TSPEAR: variants seen among roughly 807,000 people sequenced by gnomAD.
TSPEAR encodes the protein thrombospondin type laminin G domain and EAR repeats, also known as thrombospondin-type laminin G domain and EAR repeat-containing protein.
Under a neutral mutation model 71.6 loss-of-function variants are expected in TSPEAR, and 69 were observed. That is an observed-to-expected ratio of 0.96 (90% CI 0.79 to 1.18). The LOEUF is 1.18. TSPEAR is among the 50% of genes most tolerant of loss of function. TSPEAR has a pLI of 0.00. For synonymous variants in TSPEAR, 402 were observed against 387.2 expected (o/e 1.04, Z -0.45); for missense variants, 971 against 894.9 (o/e 1.09, Z -1.09).
chr21:44,627,301 A>C (rs1340106264), intron 1 of TSPEAR: 2 of 1,612,462 alleles, frequency 1.2e-6, no homozygotes, highest in Non-Finnish European at 1.7e-6. Flanking sequence ...CCCCTGCCTG[A>C]CCCTGGTCTG....
chr21:44,677,299 T>C, intron 1 of TSPEAR: 1 of 854,812 alleles, frequency 1.2e-6, no homozygotes, highest in Admixed American at 2.0e-5. Flanking sequence ...CCTTGCACTG[T>C]GTGCCACTTA....
intron 1 of TSPEAR, among the ~76,000 whole-genome samples, chr21:44,594,822 A>ATTTTTTTTTT (rs34221889): frequency 1.6e-5 from 2 of 125,518 alleles, no homozygotes; most frequent in African/African-American, 6.3e-5. Context: ...CGGATCTGTG[A>ATTTTTTTTTT]TTTTTTTTTT....
At chr21:44,650,111 G>A (rs76323568) in intron 1 of TSPEAR, among the ~76,000 whole-genome samples, 1,562 of 152,148 alleles carry the variant, frequency 0.01, 22 homozygotes, top group Middle Eastern at 0.055. Context: ...TCTAGTCCCA[G>A]CTACTTTGGT....
intron 9 of TSPEAR, chr21:44,517,722 G>T: frequency 2.1e-6 from 1 of 470,126 alleles, no homozygotes; most frequent in Non-Finnish European, 4.4e-6. Context: ...TCCTTGTCCT[G>T]CGGGGGCTCT....
At position 44,506,316 on chromosome 21, in the gene TSPEAR, T is replaced by G. The variant is rs2145915093; in HGVS notation, c.1755-1435A>C. Reference sequence around the variant, plus strand: ...TCAGCGTCAGCCCCACATCTCAAGATGAGGAAATGGAGGTCGAAGCCATGC... The same window carrying G: ...TCAGCGTCAGCCCCACATCTCAAGAGGAGGAAATGGAGGTCGAAGCCATGC... On this transcript the variant is annotated intron_variant, in intron 10 of 11. Transcript: ENST00000323084. The surrounding 1 kb of genome is among the most constrained non-coding windows in gnomAD (Gnocchi z 4.2). Among the ~76,000 whole-genome samples, 1 of 152,278 alleles carries G rather than the reference T, an allele frequency of 6.6e-6. No homozygotes were observed. The highest frequency in any genetic ancestry group is 2.4e-5 in the African/African-American group (1 of 41,582).
intron 2 of TSPEAR, among the ~76,000 whole-genome samples, chr21:44,552,023 G>C (rs184049148): frequency 7.5e-4 from 114 of 152,352 alleles, no homozygotes; most frequent in Non-Finnish European, 1.4e-3. Flanking sequence ...GGACAGGGAG[G>C]ACCTCCCCTC....
At chr21:44,574,314 T>A in intron 1 of TSPEAR, 2 of 1,611,368 alleles carry the variant, frequency 1.2e-6, no homozygotes, top group Non-Finnish European at 1.7e-6. Flanking sequence ...GTCCAGCCCC[T>A]GCTGCCAGGC....
At chr21:44,518,845 C>A (rs2052669032) in intron 9 of TSPEAR, 1 of 376,788 alleles carries the variant, frequency 2.7e-6, no homozygotes, top group Non-Finnish European at 5.5e-6. Flanking sequence ...CATGTGTGAG[C>A]CTGGGGCCAG....
At position 44,612,867 on chromosome 21, in the gene TSPEAR, G is replaced by T; in HGVS notation, c.83-44862C>A. 1.9e-6 allele frequency: 3 copies of T among 1,611,596 alleles called. No homozygotes were observed. Among genetic ancestry groups the T allele is most frequent in the Non-Finnish European group, 1.7e-6 (2 of 1,179,702 alleles). ...TTCCTCTGCCGCCCCGCGTGCTCCC[G>T]CCTGGCCTGCTGAGGCCTCTGCTCA... On this transcript the variant is annotated intron_variant, in intron 1 of 11. Transcript: ENST00000323084. This position sits in a 1 kb window ranked among gnomAD's most constrained non-coding sequence, Gnocchi z 4.1.
At chr21:44,660,614 A>G (rs74803955) in intron 1 of TSPEAR, among the ~76,000 whole-genome samples, 1,838 of 152,374 alleles carry the variant, frequency 0.012, 40 homozygotes, top group African/African-American at 0.042. Context: ...AATTCTTAAA[A>G]AATTTCTTTG....
intron 1 of TSPEAR, among the ~76,000 whole-genome samples, chr21:44,606,835 G>A (rs587606558): frequency 2.0e-5 from 3 of 152,284 alleles, no homozygotes; most frequent in Admixed American, 2.0e-4. Context: ...ACAGAGAGCA[G>A]AAAGGTGGTT....
At chr21:44,558,808 G>T in intron 2 of TSPEAR, 1 of 1,483,722 alleles carries the variant, frequency 6.7e-7, no homozygotes. Context: ...CCAGGCCTCT[G>T]AGTGGTCGGA....
rs1983035922 is a variant in TSPEAR, at chr21:44,628,406, C to T, written c.83-60401G>A. 9.3e-6 allele frequency: 3 copies of T among 322,220 alleles called. No individual in the cohort carries two copies. In the Admixed American group the frequency reaches 1.4e-4, roughly 15 times the overall value. The allele number at this position is 322,220 out of a possible 1,614,324, so 20.0% of individuals were successfully genotyped here. A position where few individuals can be genotyped will look rare whatever the true frequency, so the allele number is the denominator to read the frequency against. On this transcript the variant is annotated intron_variant, in intron 1 of 11. Transcript: ENST00000323084. The stretch of plus-strand genomic sequence containing the variant: ...TGACTCCGTGCTGACTCTCCGCACC[C>T]AGGGCGGGAGGGGGCAGAGTGGGGC...
chr21:44,551,247 C>T (rs2053426712), intron 2 of TSPEAR: 4 of 1,613,934 alleles, frequency 2.5e-6, no homozygotes. Context: ...GGAGCTGGTG[C>T]AGCCTGATTG....
intron 9 of TSPEAR, chr21:44,511,019 C>G (rs1428648222): frequency 3.3e-5 from 5 of 152,214 alleles, no homozygotes; most frequent in African/African-American, 1.2e-4. Flanking sequence ...GACTCTGAGA[C>G]ACTCTGGGCC....
intron 1 of TSPEAR, among the ~76,000 whole-genome samples, chr21:44,692,507 CAA>C (rs1305782355): frequency 6.6e-6 from 1 of 152,056 alleles, no homozygotes; most frequent in Non-Finnish European, 1.5e-5. Flanking sequence ...AAGAATTCAC[CAA>C]AGTTTCAGGG....
At chr21:44,620,262 G>C (rs1445512253) in intron 1 of TSPEAR, among the ~76,000 whole-genome samples, 1 of 152,168 alleles carries the variant, frequency 6.6e-6, no homozygotes, top group African/African-American at 2.4e-5. Context: ...CACATTTTGA[G>C]GTAAATAAAA....
intron 1 of TSPEAR, chr21:44,646,877 C>T (rs1385139128): frequency 6.3e-7 from 1 of 1,578,172 alleles, no homozygotes; most frequent in Non-Finnish European, 8.6e-7. Context: ...TGTGCCTCTT[C>T]CTCCTGCCAG....
chr21:44,635,030 T>G (rs1314959556), intron 1 of TSPEAR, among the ~76,000 whole-genome samples: 1 of 152,028 alleles, frequency 6.6e-6, no homozygotes, highest in Non-Finnish European at 1.5e-5. Context: ...AAAAGAGGTG[T>G]TCAAACAGAA....
Sources: allele counts gnomAD v4.1 joint callset (sites outside exome capture counted in the v4.1 genomes callset), GRCh38; gene constraint gnomAD v4.1.1; non-coding constraint Gnocchi (gnomAD v3.1); transcripts MANE v1.5; gene names NCBI Gene and HGNC (gene_info 2026-07-23, HGNC 2026-07-21).